ZNF804A: variants seen among roughly 807,000 people sequenced by gnomAD.
ZNF804A encodes zinc finger protein 804A.
In ZNF804A, 2 loss-of-function variants were observed where a neutral mutation model predicts 16.5. That is an observed-to-expected ratio of 0.12 (90% CI 0.05 to 0.38). The LOEUF is 0.38. Ranked by LOEUF, ZNF804A falls within the 10% of genes least tolerant of loss-of-function variation. The pLI is 0.99. For synonymous variants in ZNF804A, 534 were observed against 489.6 expected (o/e 1.09, Z -1.20); for missense variants, 1,473 against 1,390.7 (o/e 1.06, Z -0.94).
At chr2:184,640,227 GGAGGAGGAGGAGGAA>G (rs1691772510) in intron 1 of ZNF804A, among the ~76,000 whole-genome samples, 1 of 151,576 alleles carries the variant, frequency 6.6e-6, no homozygotes, top group South Asian at 2.1e-4. Context: ...GGAAGAAGGA[GGAGGAGGAGGAGGAA>G]GAGGAGGAGG....
At chr2:184,599,135 T>A (rs1691006772) in intron 1 of ZNF804A, 65 bp downstream of exon 1, 6 of 1,290,706 alleles carry the variant, frequency 4.6e-6, no homozygotes, top group Non-Finnish European at 4.5e-6. Context: ...AGATTGAGTT[T>A]TTGGAGGTTT....
chr2:184,681,781 G>A (rs1044141675), intron 1 of ZNF804A, among the ~76,000 whole-genome samples: 1 of 152,194 alleles, frequency 6.6e-6, no homozygotes, highest in Non-Finnish European at 1.5e-5. Context: ...AGGGGCAGGA[G>A]CCCCATGCTT....
At chr2:184,855,915 A>G (rs957560000) in intron 1 of ZNF804A, among the ~76,000 whole-genome samples, 1 of 152,028 alleles carries the variant, frequency 6.6e-6, no homozygotes, top group African/African-American at 2.4e-5. Flanking sequence ...TCAGAAACAG[A>G]CCTCCAGAGT....
intron 1 of ZNF804A, among the ~76,000 whole-genome samples, chr2:184,706,235 A>G (rs1559131054): frequency 6.6e-6 from 1 of 152,190 alleles, no homozygotes; most frequent in Non-Finnish European, 1.5e-5. Flanking sequence ...AAAGTGAACA[A>G]TCGCTGTTGT....
intron 1 of ZNF804A, among the ~76,000 whole-genome samples, chr2:184,761,873 T>G (rs1430963580): frequency 6.6e-6 from 1 of 152,156 alleles, no homozygotes; most frequent in Non-Finnish European, 1.5e-5. Context: ...TCCTGGCTGC[T>G]ATTTACCTCA....
intron 2 of ZNF804A, among the ~76,000 whole-genome samples, chr2:184,922,605 G>A (rs1179654608): frequency 6.6e-6 from 1 of 151,898 alleles, no homozygotes; most frequent in Non-Finnish European, 1.5e-5. Context: ...TTAATTTGAT[G>A]TGGCCCTATT....
chr2:184,729,040 T>G (rs974559967), intron 1 of ZNF804A, among the ~76,000 whole-genome samples: 2 of 151,664 alleles, frequency 1.3e-5, no homozygotes, highest in Non-Finnish European at 3.0e-5. Context: ...AGCTAGAGGG[T>G]TAAGGGATTG....
intron 1 of ZNF804A, among the ~76,000 whole-genome samples, chr2:184,689,071 T>G (rs928670471): frequency 1.3e-5 from 2 of 152,158 alleles, no homozygotes; most frequent in African/African-American, 4.8e-5. Context: ...ATATGGAATA[T>G]TCTACACACA....
At chr2:184,837,616 CA>C in intron 1 of ZNF804A, among the ~76,000 whole-genome samples, 1 of 151,940 alleles carries the variant, frequency 6.6e-6, no homozygotes, top group East Asian at 1.9e-4. Context: ...CACTTTTTTA[CA>C]GAAATATTTA....
chr2:184,808,484 A>G (rs1694845015), intron 1 of ZNF804A, among the ~76,000 whole-genome samples: 1 of 151,634 alleles, frequency 6.6e-6, no homozygotes, highest in African/African-American at 2.4e-5. Context: ...CTTATATTGA[A>G]AGCGAGATAC....
intron 1 of ZNF804A, among the ~76,000 whole-genome samples, chr2:184,828,395 T>C (rs1358783685): frequency 6.6e-6 from 1 of 151,854 alleles, no homozygotes; most frequent in Non-Finnish European, 1.5e-5. Flanking sequence ...GTGTATTCTA[T>C]TTTATATTGT....
chr2:184,697,995 A>T (rs988452233), intron 1 of ZNF804A, among the ~76,000 whole-genome samples: 1 of 152,094 alleles, frequency 6.6e-6, no homozygotes, highest in African/African-American at 2.4e-5. Flanking sequence ...GATTTCATAC[A>T]TAGACTTTTA....
intron 2 of ZNF804A, among the ~76,000 whole-genome samples, chr2:184,885,200 C>CA (rs1684869560): frequency 6.6e-6 from 1 of 152,022 alleles, no homozygotes; most frequent in South Asian, 2.1e-4. Context: ...CAGGCTCTAG[C>CA]AAGGTTGCTG....
intron 1 of ZNF804A, among the ~76,000 whole-genome samples, chr2:184,622,052 G>T (rs1299786810): frequency 6.6e-6 from 1 of 151,562 alleles, no homozygotes; most frequent in Non-Finnish European, 1.5e-5. Context: ...TTATCCTAAC[G>T]GAACGCTATT....
chr2:184,692,832 T>A (rs555422177), intron 1 of ZNF804A, among the ~76,000 whole-genome samples: 1 of 152,280 alleles, frequency 6.6e-6, no homozygotes, highest in African/African-American at 2.4e-5. Context: ...CAAGTAGGAT[T>A]CTCCTGACTA....
intron 2 of ZNF804A, among the ~76,000 whole-genome samples, chr2:184,886,066 C>G (rs1299932340): frequency 6.6e-6 from 1 of 152,152 alleles, no homozygotes; most frequent in African/African-American, 2.4e-5. Context: ...TGCCTTCCAT[C>G]TATGAGCCTG....
chr2:184,623,945 G>A (rs771706338), intron 1 of ZNF804A, among the ~76,000 whole-genome samples: 34 of 152,114 alleles, frequency 2.2e-4, no homozygotes, highest in Non-Finnish European at 2.9e-4. Flanking sequence ...CATAATTCAA[G>A]ATACTTCTGG....
chr2:184,663,028 C>G (rs1242341348), intron 1 of ZNF804A, among the ~76,000 whole-genome samples: 1 of 152,178 alleles, frequency 6.6e-6, no homozygotes, highest in Non-Finnish European at 1.5e-5. Flanking sequence ...GCAGCAGTGG[C>G]CCCTCTGGAG....
intron 1 of ZNF804A, among the ~76,000 whole-genome samples, chr2:184,779,728 G>A (rs1390492709): frequency 6.6e-6 from 1 of 151,694 alleles, no homozygotes; most frequent in Non-Finnish European, 1.5e-5. Context: ...TGGAAAAGGT[G>A]AAAAAGCAGA....
Sources: allele counts gnomAD v4.1 joint callset (sites outside exome capture counted in the v4.1 genomes callset), GRCh38; gene constraint gnomAD v4.1.1; transcripts MANE v1.5; gene names NCBI Gene and HGNC (gene_info 2026-07-23, HGNC 2026-07-21).